The following CDKAL1 variants were observed in gnomAD, a reference collection of about 807,000 sequenced individuals.
CDKAL1 encodes the protein threonylcarbamoyladenosine tRNA methylthiotransferase.
CDKAL1 carries 32 observed loss-of-function variants against 68.2 expected under a neutral mutation model. That is an observed-to-expected ratio of 0.47 (90% CI 0.35 to 0.63). The LOEUF is 0.63. Among genes scored for constraint, CDKAL1 ranks in the 30% least tolerant of loss-of-function variants. The probability of loss-of-function intolerance (pLI) is 0.00; values close to 1 mark genes in which losing one functional copy is unlikely to be tolerated. For synonymous variants in CDKAL1, 234 were observed against 244.3 expected (o/e 0.96, Z 0.39); for missense variants, 606 against 696.7 (o/e 0.87, Z 1.47).
intron 13 of CDKAL1, among the ~76,000 whole-genome samples, chr6:21,125,548 T>C (rs1164817098): frequency 2.0e-5 from 3 of 152,118 alleles, no homozygotes; most frequent in Non-Finnish European, 4.4e-5. Context: ...GGTGCTTGCC[T>C]GTAATCCCAG....
chr6:21,057,048 G>A (rs1167987286), intron 11 of CDKAL1, among the ~76,000 whole-genome samples: 2 of 152,174 alleles, frequency 1.3e-5, no homozygotes, highest in African/African-American at 4.8e-5. Flanking sequence ...AAATGAGTTA[G>A]GGAGGAGTCC....
rs551549378 is a variant in CDKAL1 at position 20,972,214 on chromosome 6, G to A, written c.909+16629G>A. ...AAATTTACAGAAAATCATATCACAAGATCTCTCTATTGCCAAAAATGGATT... is the reference window on the plus strand; with the variant it reads ...AAATTTACAGAAAATCATATCACAAAATCTCTCTATTGCCAAAAATGGATT... On this transcript the variant is annotated intron_variant, in intron 10 of 15. Coordinates refer to ENST00000274695, the MANE Select transcript of CDKAL1 (RefSeq NM_017774.3). 3.9e-5 allele frequency among the ~76,000 whole-genome samples: 6 copies of A among 152,286 alleles called. No homozygotes were observed. The East Asian group carries it at 5.8e-4, about 15-fold the overall frequency.
intron 5 of CDKAL1, among the ~76,000 whole-genome samples, chr6:20,701,167 C>T (rs1771336150): frequency 6.6e-6 from 1 of 152,084 alleles, no homozygotes; most frequent in Admixed American, 6.6e-5. Flanking sequence ...GCTTCCATCC[C>T]CACATGCTGT....
intron 9 of CDKAL1, among the ~76,000 whole-genome samples, chr6:20,904,339 C>T (rs758747782): frequency 5.3e-5 from 8 of 151,980 alleles, no homozygotes; most frequent in Non-Finnish European, 1.2e-4. Flanking sequence ...ACTTCAAGAC[C>T]AGCTTGGGCA....
chr6:21,003,380 A>ACACT (rs1767555875), intron 11 of CDKAL1, among the ~76,000 whole-genome samples: 1 of 126,576 alleles, frequency 7.9e-6, no homozygotes, highest in Non-Finnish European at 1.6e-5. Flanking sequence ...ATACACACAC[A>ACACT]CACACACACA....
At position 20,777,006 on chromosome 6, in the gene CDKAL1, C is replaced by G. The variant is rs73732778; in HGVS notation, c.518-4139C>G. Among the ~76,000 whole-genome samples the G allele has an allele frequency of 8.4e-3, 1,279 of 152,232 alleles. 12 individuals carry two copies. The highest frequency in any genetic ancestry group is 0.028 in the African/African-American group (1,173 of 41,544). ...CAAGCAGTAGGGAAGGTCTGCGGCTCTACTGGACTGAAGTTACTGACATGT... is the reference window on the plus strand; with the variant it reads ...CAAGCAGTAGGGAAGGTCTGCGGCTGTACTGGACTGAAGTTACTGACATGT... On this transcript the variant is annotated intron_variant, in intron 7 of 15. Transcript: ENST00000274695.
chr6:21,205,802 A>T (rs1369231316), intron 15 of CDKAL1, among the ~76,000 whole-genome samples: 3 of 129,296 alleles, frequency 2.3e-5, no homozygotes, highest in South Asian at 2.5e-4. Context: ...AAGTGCTGGG[A>T]TTACATGCGT....
chr6:20,782,726 C>T (rs888499138), intron 8 of CDKAL1, among the ~76,000 whole-genome samples: 2 of 152,058 alleles, frequency 1.3e-5, no homozygotes, highest in Non-Finnish European at 2.9e-5. Context: ...TGTTATTTAC[C>T]ACTCTATCCC....
At chr6:20,761,565 G>C (rs1042224225) in intron 7 of CDKAL1, among the ~76,000 whole-genome samples, 7 of 152,152 alleles carry the variant, frequency 4.6e-5, no homozygotes, top group African/African-American at 1.4e-4. Context: ...GGTACATGCA[G>C]ACAATGGAGT....
chr6:21,118,984 G>A (rs1774567047), intron 13 of CDKAL1, among the ~76,000 whole-genome samples: 1 of 151,590 alleles, frequency 6.6e-6, no homozygotes, highest in Admixed American at 6.6e-5. Flanking sequence ...TTTTAAAGCT[G>A]CTTTTTTTAT....
At chr6:20,964,479 G>A (rs148728904) in intron 10 of CDKAL1, among the ~76,000 whole-genome samples, 1,939 of 152,264 alleles carry the variant, frequency 0.013, 31 homozygotes, top group Middle Eastern at 0.02. Context: ...AAAAAAGAAC[G>A]AAATCATGTC....
chr6:20,799,179 A>G (rs1186100818), intron 8 of CDKAL1, among the ~76,000 whole-genome samples: 1 of 148,548 alleles, frequency 6.7e-6, no homozygotes, highest in African/African-American at 2.5e-5. Flanking sequence ...CAGCCTCCCA[A>G]GTAGCTGGGA....
intron 9 of CDKAL1, among the ~76,000 whole-genome samples, chr6:20,895,813 G>C (rs566969368): frequency 6.6e-6 from 1 of 152,042 alleles, no homozygotes; most frequent in Non-Finnish European, 1.5e-5. Flanking sequence ...GTCCAGTTGC[G>C]TGATTACTAT....
intron 4 of CDKAL1, among the ~76,000 whole-genome samples, chr6:20,601,334 A>AT: frequency 6.6e-6 from 1 of 152,008 alleles, no homozygotes; most frequent in Non-Finnish European, 1.5e-5. Flanking sequence ...AGTGATTCTT[A>AT]TTTTTTCTTT....
intron 8 of CDKAL1, among the ~76,000 whole-genome samples, chr6:20,824,314 G>A (rs569577680): frequency 2.3e-4 from 35 of 152,230 alleles, no homozygotes; most frequent in Admixed American, 5.9e-4. Flanking sequence ...AACTGCGAAC[G>A]TTGCTGCTTA....
intron 12 of CDKAL1, among the ~76,000 whole-genome samples, chr6:21,088,770 C>T (rs909751062): frequency 7.2e-5 from 11 of 152,046 alleles, no homozygotes; most frequent in East Asian, 1.9e-4. Context: ...AGTGAAACCC[C>T]GTCTCTACTA....
At chr6:21,127,262 A>G (rs1191528856) in intron 13 of CDKAL1, among the ~76,000 whole-genome samples, 1 of 152,208 alleles carries the variant, frequency 6.6e-6, no homozygotes, top group Non-Finnish European at 1.5e-5. Context: ...GGCAAATAGC[A>G]AATATTCACA....
At chr6:20,598,573 A>G (rs980807774) in intron 4 of CDKAL1, among the ~76,000 whole-genome samples, 1 of 152,224 alleles carries the variant, frequency 6.6e-6, no homozygotes, top group Non-Finnish European at 1.5e-5. Flanking sequence ...TTTTAAATTC[A>G]TAAATGATGG....
At chr6:21,220,262 T>C (rs1779490688) in intron 15 of CDKAL1, among the ~76,000 whole-genome samples, 1 of 152,212 alleles carries the variant, frequency 6.6e-6, no homozygotes. Context: ...TAGGCTGATA[T>C]TTAGTTAGCA....
Sources: gnomAD v4.1 joint callset for allele counts (sites outside exome capture counted in the v4.1 genomes callset) on GRCh38, gnomAD v4.1.1 for gene constraint, MANE v1.5 for transcripts, NCBI Gene and HGNC (gene_info 2026-07-23, HGNC 2026-07-21) for gene names.